The following TNKS variants were observed in gnomAD, a reference collection of about 807,000 sequenced individuals.
The protein encoded by TNKS is tankyrase.
In TNKS, 72 loss-of-function variants were observed where a neutral mutation model predicts 135.8. That is an observed-to-expected ratio of 0.53 (90% CI 0.44 to 0.64). The LOEUF is 0.64. Among genes scored for constraint, TNKS ranks in the 30% least tolerant of loss-of-function variants. The pLI, the probability that TNKS is intolerant of heterozygous loss-of-function variation, is 0.00. For synonymous variants in TNKS, 849 were observed against 649.3 expected, an observed-to-expected ratio of 1.31 and a Z score of -4.68; for missense variants, 1,769 against 1,674.0, an observed-to-expected ratio of 1.06 and a Z score of -0.99.
chr8:9,601,701 A>G (rs1038231354), intron 2 of TNKS, among the ~76,000 whole-genome samples: 2 of 152,130 alleles, frequency 1.3e-5, no homozygotes, highest in African/African-American at 2.4e-5. Context: ...ATCCTTTGTG[A>G]TAAAAAAGCT....
At chr8:9,670,137 T>G (rs1802208065) in intron 3 of TNKS, 1 of 152,218 alleles carries the variant, frequency 6.6e-6, no homozygotes, top group South Asian at 2.1e-4. Flanking sequence ...TTTCGTTCAG[T>G]TGAAAAGGAG....
Position 9,709,963 on chromosome 8 carries a change from T to A in TNKS, c.1587T>A (p.Ala529=), listed in dbSNP as rs368779508. 1.2e-6 allele frequency: 2 copies of A among 1,613,568 alleles called. No homozygotes were observed. The highest frequency in any genetic ancestry group is 2.7e-5 in the African/African-American group (2 of 74,934). ...PQSHETALHC[A]VASLHPKRKQ... ...TTTTGTTTACTTTATAGCACTGTGC[T>A]GTGGCCTCTCTGCATCCCAAACGTA... Residue 529 remains alanine (A), a synonymous_variant, in exon 10 of 27, where the codon GCT becomes GCA. Transcript: ENST00000310430.
intron 21 of TNKS, among the ~76,000 whole-genome samples, 181 bp downstream of exon 21, chr8:9,761,817 A>C (rs1368359244): frequency 1.3e-5 from 2 of 152,272 alleles, no homozygotes; most frequent in East Asian, 3.9e-4. Flanking sequence ...AATCTGAGTC[A>C]GTCTTCCCTG....
At chr8:9,681,764 A>G (rs891324349) in intron 5 of TNKS, among the ~76,000 whole-genome samples, 1 of 152,172 alleles carries the variant, frequency 6.6e-6, no homozygotes, top group African/African-American at 2.4e-5. Context: ...TCTGTGAGTG[A>G]TAATTTTGCA....
At chr8:9,686,992 G>A (rs1180065989) in intron 5 of TNKS, among the ~76,000 whole-genome samples, 1 of 152,144 alleles carries the variant, frequency 6.6e-6, no homozygotes, top group African/African-American at 2.4e-5. Context: ...CCATAATGCA[G>A]AATTGAATTT....
chr8:9,697,208 C>T (rs1803558483), intron 5 of TNKS, among the ~76,000 whole-genome samples: 1 of 152,134 alleles, frequency 6.6e-6, no homozygotes, highest in Non-Finnish European at 1.5e-5. Flanking sequence ...GGAAAGGATT[C>T]CCTATGCAAG....
intron 2 of TNKS, among the ~76,000 whole-genome samples, chr8:9,588,514 G>A (rs928795040): frequency 1.3e-5 from 2 of 152,164 alleles, no homozygotes; most frequent in Non-Finnish European, 2.9e-5. Context: ...CTGACCTCGT[G>A]ATCCGCCCAC....
chr8:9,740,695 C>T (rs1330154800), intron 17 of TNKS, among the ~76,000 whole-genome samples: 2 of 152,084 alleles, frequency 1.3e-5, no homozygotes, highest in African/African-American at 2.4e-5. Context: ...TATTAAAATT[C>T]GTAGAAATTT....
chr8:9,756,533 A>C (rs1351916337), intron 20 of TNKS, among the ~76,000 whole-genome samples: 1 of 152,082 alleles, frequency 6.6e-6, no homozygotes, highest in Non-Finnish European at 1.5e-5. Context: ...GGTTTTAAAA[A>C]AGGAGCAAGT....
chr8:9,741,474 C>T (rs983587508), intron 17 of TNKS, among the ~76,000 whole-genome samples: 7 of 151,988 alleles, frequency 4.6e-5, no homozygotes, highest in Non-Finnish European at 5.9e-5. Context: ...ATAGCAGTCA[C>T]GGAGGATAAG....
chr8:9,776,358 TC>T (rs1325699868), intron 26 of TNKS, among the ~76,000 whole-genome samples: 1 of 152,232 alleles, frequency 6.6e-6, no homozygotes, highest in African/African-American at 2.4e-5. Flanking sequence ...TAGTGCTACC[TC>T]GGGCCTTAGT....
At chr8:9,693,556 T>TG (rs1417723856) in intron 5 of TNKS, among the ~76,000 whole-genome samples, 1 of 152,052 alleles carries the variant, frequency 6.6e-6, no homozygotes, top group African/African-American at 2.4e-5. Flanking sequence ...AAGGAGTTAT[T>TG]GGGGAGAGGA....
intron 25 of TNKS, among the ~76,000 whole-genome samples, chr8:9,769,612 C>CTTTTT (rs1163803220): frequency 0.022 from 1,594 of 73,474 alleles, 4 homozygotes; most frequent in East Asian, 0.027. Context: ...CAGGCATTTT[C>CTTTTT]TTTTTTTTTT....
intron 3 of TNKS, among the ~76,000 whole-genome samples, chr8:9,641,812 T>A (rs1800742129): frequency 6.8e-6 from 1 of 146,042 alleles, no homozygotes. Flanking sequence ...TTTCATCATC[T>A]GCCCTACAAT....
chr8:9,597,977 C>G (rs1798858402), intron 2 of TNKS, among the ~76,000 whole-genome samples: 1 of 152,080 alleles, frequency 6.6e-6, no homozygotes, highest in Non-Finnish European at 1.5e-5. Flanking sequence ...TTGCTTTTAG[C>G]TAAATAACTT....
At chr8:9,674,703 C>T (rs975000065) in intron 3 of TNKS, among the ~76,000 whole-genome samples, 2 of 151,936 alleles carry the variant, frequency 1.3e-5, no homozygotes, top group African/African-American at 4.8e-5. Context: ...AAATATTGGA[C>T]AATGTAGAGA....
At chr8:9,629,083 A>G (rs1800180541) in intron 3 of TNKS, among the ~76,000 whole-genome samples, 1 of 152,220 alleles carries the variant, frequency 6.6e-6, no homozygotes, top group Admixed American at 6.5e-5. Context: ...TCTGATTTAT[A>G]CTAGGTCTCA....
intron 3 of TNKS, among the ~76,000 whole-genome samples, chr8:9,652,442 A>G (rs1801182089): frequency 6.6e-6 from 1 of 152,164 alleles, no homozygotes; most frequent in East Asian, 1.9e-4. Flanking sequence ...TGGTAAATCA[A>G]TTTCTGTAGC....
intron 23 of TNKS, 86 bp from the exon 24 acceptor site, chr8:9,765,606 C>A: frequency 1.8e-6 from 2 of 1,137,070 alleles, no homozygotes; most frequent in Non-Finnish European, 2.6e-6. Flanking sequence ...AAAAATTGAA[C>A]CTTCCTAAAA....
Sources: gnomAD v4.1 joint callset for allele counts (sites outside exome capture counted in the v4.1 genomes callset) on GRCh38, gnomAD v4.1.1 for gene constraint, MANE v1.5 for transcripts, NCBI Gene and HGNC (gene_info 2026-07-23, HGNC 2026-07-21) for gene names.